Variants in RABGAP1L observed in about 807,000 individuals in gnomAD.
RABGAP1L encodes the protein rab GTPase-activating protein 1-like.
A neutral mutation model predicts 137.7 loss-of-function variants in RABGAP1L; 63 were observed. The ratio of observed to expected loss-of-function variants is 0.46; its 90% CI spans 0.37 to 0.56. The LOEUF (loss-of-function observed/expected upper bound fraction) is 0.56. RABGAP1L is among the 20% of genes least tolerant of loss of function. The pLI, the probability that RABGAP1L is intolerant of heterozygous loss-of-function variation, is 0.00. For synonymous variants in RABGAP1L, 431 were observed against 433.7 expected (o/e 0.99, Z 0.08); for missense variants, 1,095 against 1,244.0 (o/e 0.88, Z 1.80).
chr1:174,712,884 G>A (rs1680679622), intron 17 of RABGAP1L, among the ~76,000 whole-genome samples: 1 of 152,306 alleles, frequency 6.6e-6, no homozygotes, highest in African/African-American at 2.4e-5. Context: ...CTGCTGGTGT[G>A]TGTTCCTCCC....
intron 12 of RABGAP1L, 121 bp from the exon 13 acceptor site, chr1:174,393,874 C>A (rs775292438): frequency 1.4e-4 from 157 of 1,092,128 alleles, no homozygotes; most frequent in Non-Finnish European, 2.0e-4. Context: ...AATGCCCCCC[C>A]ACAAACTGTT....
chr1:174,556,985 C>A (rs1666923622), intron 13 of RABGAP1L, among the ~76,000 whole-genome samples: 1 of 152,196 alleles, frequency 6.6e-6, no homozygotes, highest in Non-Finnish European at 1.5e-5. Flanking sequence ...TGCAAAGGAT[C>A]TTATCTCATC....
At chr1:174,828,837 G>A (rs1029668189) in intron 19 of RABGAP1L, among the ~76,000 whole-genome samples, 27 of 147,992 alleles carry the variant, frequency 1.8e-4, no homozygotes, top group African/African-American at 4.9e-4. Context: ...CGTTAAGAAC[G>A]TGGTTTTCTG....
At chr1:174,760,735 A>G (rs1685152058) in intron 18 of RABGAP1L, among the ~76,000 whole-genome samples, 1 of 152,184 alleles carries the variant, frequency 6.6e-6, no homozygotes, top group African/African-American at 2.4e-5. Flanking sequence ...AAGTTCTTTG[A>G]GAAATTGCCA....
intron 19 of RABGAP1L, among the ~76,000 whole-genome samples, chr1:174,849,414 C>G (rs1573494738): frequency 6.6e-6 from 1 of 152,130 alleles, no homozygotes; most frequent in South Asian, 2.1e-4. Flanking sequence ...AAATAACACG[C>G]TCTTTTACTT....
intron 13 of RABGAP1L, among the ~76,000 whole-genome samples, chr1:174,565,884 A>ATTTTTTT (rs776033808): frequency 7.5e-6 from 1 of 132,754 alleles, no homozygotes; most frequent in Non-Finnish European, 1.6e-5. Flanking sequence ...AATCCTTTAC[A>ATTTTTTT]TTTTTTTTTT....
intron 7 of RABGAP1L, among the ~76,000 whole-genome samples, chr1:174,259,122 T>C (rs1236313683): frequency 1.3e-5 from 2 of 151,980 alleles, no homozygotes; most frequent in African/African-American, 2.4e-5. Flanking sequence ...AAATATATTA[T>C]GAAAGAAGCC....
chr1:174,190,875 C>T (rs1439209082), intron 1 of RABGAP1L, among the ~76,000 whole-genome samples: 2 of 152,082 alleles, frequency 1.3e-5, no homozygotes, highest in Non-Finnish European at 2.9e-5. Flanking sequence ...ACTTAGAAGC[C>T]ATTGTAGCAT....
rs189771920 is a variant in RABGAP1L, at chr1:174,653,093, A to T, written c.1824+15605A>T. ...CGAACTTCCCAGAGGCTTTGTTTAC[A>T]CTGTGAGGGGAAAACCGCCTACTCC... On this transcript the variant is annotated intron_variant, in intron 14 of 25. Coordinates refer to ENST00000681986, the MANE Select transcript of RABGAP1L (RefSeq NM_001366446.1). 2.0e-3 allele frequency among the ~76,000 whole-genome samples: 297 copies of T among 152,234 alleles called. 1 individual carries two copies. Among genetic ancestry groups the T allele is most frequent in the African/African-American group, 6.8e-3 (282 of 41,552 alleles).
chr1:174,206,110 A>C (rs1320750722), intron 1 of RABGAP1L, among the ~76,000 whole-genome samples: 1 of 152,204 alleles, frequency 6.6e-6, no homozygotes, highest in Non-Finnish European at 1.5e-5. Context: ...AAATTGGATT[A>C]ATTGATCTAG....
intron 18 of RABGAP1L, among the ~76,000 whole-genome samples, chr1:174,802,645 G>C (rs2148827018): frequency 6.6e-6 from 1 of 152,242 alleles, no homozygotes; most frequent in African/African-American, 2.4e-5. Flanking sequence ...TTTATCTTGG[G>C]GGCCACTTGA....
chr1:174,413,673 C>G (rs567056421), intron 13 of RABGAP1L, among the ~76,000 whole-genome samples: 5 of 152,100 alleles, frequency 3.3e-5, no homozygotes, highest in Admixed American at 1.3e-4. Context: ...CCTCCTCCCC[C>G]CCTTTCTCTA....
intron 13 of RABGAP1L, among the ~76,000 whole-genome samples, chr1:174,596,274 C>A (rs1274014790): frequency 6.6e-6 from 1 of 150,468 alleles, no homozygotes; most frequent in African/African-American, 2.5e-5. Context: ...GTGAGATGAA[C>A]CCGGTACCTC....
chr1:174,739,988 C>A (rs1422554565), intron 17 of RABGAP1L, among the ~76,000 whole-genome samples: 1 of 152,158 alleles, frequency 6.6e-6, no homozygotes, highest in Admixed American at 6.5e-5. Flanking sequence ...AACTTAGGCT[C>A]CTTAGCGATC....
chr1:174,499,737 G>A lies in RABGAP1L; in HGVS notation c.1710+105592G>A, dbSNP rs374207836. Among the ~76,000 whole-genome samples, 34 of 152,336 alleles carry A rather than the reference G, an allele frequency of 2.2e-4. No homozygotes were observed. The South Asian group carries it at 7.0e-3, about 32-fold the overall frequency. Reference sequence around the variant, plus strand: ...ACTTATTGAGGGTTGGTAAATGGTAGTTGTTGCTAATTGTAGCAATGACAA... The same window carrying A: ...ACTTATTGAGGGTTGGTAAATGGTAATTGTTGCTAATTGTAGCAATGACAA... On this transcript the variant is annotated intron_variant, in intron 13 of 25. Transcript: ENST00000681986.
intron 19 of RABGAP1L, among the ~76,000 whole-genome samples, chr1:174,867,093 T>C (rs1292198737): frequency 1.3e-5 from 2 of 150,642 alleles, no homozygotes; most frequent in Admixed American, 6.6e-5. Flanking sequence ...GTCTCAAAAA[T>C]GATAGATAGC....
intron 13 of RABGAP1L, among the ~76,000 whole-genome samples, chr1:174,612,437 G>T (rs1002618426): frequency 1.3e-5 from 2 of 152,178 alleles, no homozygotes; most frequent in Non-Finnish European, 2.9e-5. Context: ...GCTTTTTGAT[G>T]TGCTGCTGGA....
chr1:174,746,106 C>T (rs976363527), intron 17 of RABGAP1L, among the ~76,000 whole-genome samples: 1 of 152,178 alleles, frequency 6.6e-6, no homozygotes, highest in Non-Finnish European at 1.5e-5. Context: ...TCTGAACCCA[C>T]GATTGCCTGC....
chr1:174,782,741 C>G (rs139968477), intron 18 of RABGAP1L, among the ~76,000 whole-genome samples: 74 of 152,288 alleles, frequency 4.9e-4, no homozygotes, highest in African/African-American at 1.7e-3. Flanking sequence ...CTAAACCTAG[C>G]TGTGGACGGT....
Sources: allele counts gnomAD v4.1 joint callset (sites outside exome capture counted in the v4.1 genomes callset), GRCh38; gene constraint gnomAD v4.1.1; transcripts MANE v1.5; gene names NCBI Gene and HGNC (gene_info 2026-07-23, HGNC 2026-07-21).